Variants in PRKCB observed in about 807,000 individuals in gnomAD.
PRKCB encodes protein kinase C beta type.
PRKCB carries 13 observed loss-of-function variants against 81.5 expected under a neutral mutation model. The ratio of observed to expected loss-of-function variants is 0.16; its 90% CI spans 0.10 to 0.25. The LOEUF (loss-of-function observed/expected upper bound fraction) is 0.25. Among genes scored for constraint, PRKCB ranks in the 10% least tolerant of loss-of-function variants. PRKCB has a pLI of 1.00. For synonymous variants in PRKCB, 335 were observed against 321.4 expected (o/e 1.04, Z -0.45); for missense variants, 509 against 875.7 (o/e 0.58, Z 5.29).
At chr16:24,109,362 T>A (rs7203573) in intron 7 of PRKCB, among the ~76,000 whole-genome samples, 2 of 54,880 alleles carry the variant, frequency 3.6e-5, no homozygotes, top group African/African-American at 8.0e-5. Flanking sequence ...GGGCGGCTGC[T>A]AGGCGGAGGG....
intron 9 of PRKCB, among the ~76,000 whole-genome samples, chr16:24,151,484 G>A (rs979410018): frequency 2.0e-5 from 3 of 152,222 alleles, no homozygotes; most frequent in African/African-American, 7.2e-5. Flanking sequence ...AAACGGATAT[G>A]AATGATTGAA....
At chr16:24,012,764 G>C (rs1242504964) in intron 3 of PRKCB, among the ~76,000 whole-genome samples, 1 of 152,224 alleles carries the variant, frequency 6.6e-6, no homozygotes, top group Non-Finnish European at 1.5e-5. Context: ...CCTGTTGGAA[G>C]ATACAGGATA....
intron 5 of PRKCB, among the ~76,000 whole-genome samples, chr16:24,038,146 C>T (rs972527563): frequency 1.3e-5 from 2 of 152,070 alleles, no homozygotes; most frequent in African/African-American, 2.4e-5. Context: ...TGCACCACTG[C>T]ACTCCAGCCT....
rs79627131 is a variant in PRKCB at position 24,019,654 on chromosome 16, C to G, written c.289-12482C>G. On this transcript the variant is annotated intron_variant, in intron 3 of 16. Coordinates refer to ENST00000643927, the MANE Select transcript of PRKCB (RefSeq NM_002738.7). The stretch of plus-strand genomic sequence containing the variant: ...TAGCGTGCACCAGTAGTCCCAGACA[C>G]TTCGGGGGCTGAGGCAGGAGGATTG... 5.1e-3 allele frequency among the ~76,000 whole-genome samples: 779 copies of G among 151,924 alleles called. 10 individuals carry two copies. The highest frequency in any genetic ancestry group is 0.018 in the African/African-American group (749 of 41,390).
chr16:23,881,038 C>A (rs1353317847), intron 2 of PRKCB, among the ~76,000 whole-genome samples: 1 of 152,058 alleles, frequency 6.6e-6, no homozygotes, highest in Non-Finnish European at 1.5e-5. Context: ...TGATGAAACA[C>A]CTTTTGCTGG....
intron 8 of PRKCB, among the ~76,000 whole-genome samples, chr16:24,114,604 T>C (rs73548427): frequency 0.035 from 5,316 of 152,162 alleles, 296 homozygotes; most frequent in African/African-American, 0.12. Context: ...ATCCTTGCTT[T>C]ACAAAGAAAA....
chr16:23,969,694 A>C (rs1309914608), intron 2 of PRKCB, among the ~76,000 whole-genome samples: 2 of 152,178 alleles, frequency 1.3e-5, no homozygotes, highest in Non-Finnish European at 2.9e-5. Flanking sequence ...CATTATCATC[A>C]TCATCGTCAC....
intron 12 of PRKCB, among the ~76,000 whole-genome samples, chr16:24,175,376 A>G (rs1967512241): frequency 6.6e-6 from 1 of 151,920 alleles, no homozygotes; most frequent in Non-Finnish European, 1.5e-5. Flanking sequence ...AAATCCTACT[A>G]TATTCTAGGC....
intron 2 of PRKCB, among the ~76,000 whole-genome samples, chr16:23,978,389 A>C (rs1239770822): frequency 6.6e-6 from 1 of 152,226 alleles, no homozygotes; most frequent in Non-Finnish European, 1.5e-5. Context: ...TAAGGTAGGT[A>C]GGATGAGTGA....
At chr16:24,078,741 C>T (rs1040553010) in intron 5 of PRKCB, among the ~76,000 whole-genome samples, 2 of 152,160 alleles carry the variant, frequency 1.3e-5, no homozygotes, top group African/African-American at 4.8e-5. Context: ...CCAGATCTTC[C>T]CTGTCGAGGG....
chr16:23,982,242 TC>T, intron 2 of PRKCB, among the ~76,000 whole-genome samples: 1 of 43,310 alleles, frequency 2.3e-5, no homozygotes, highest in Non-Finnish European at 4.5e-5. Flanking sequence ...CCCCTTCCCT[TC>T]CCCTTCCCTT....
At position 24,216,689 on chromosome 16, in the gene PRKCB, TCCC is replaced by T; in HGVS notation, c.*1875_*1877del. 1.8e-5 allele frequency: 18 copies of T among 985,478 alleles called. No individual in the cohort carries two copies. The highest frequency in any genetic ancestry group is 2.2e-5 in the Non-Finnish European group (18 of 829,970). The allele number at this position is 985,478 out of a possible 1,614,324, so 61.0% of individuals were successfully genotyped here. ...TCAGGCTTGGGGACCGTCCCTGCTG[TCCC>T]CACTGTGGTGGCAATCAGGACCTAA... On this transcript the variant is annotated 3_prime_UTR_variant, in exon 17 of 17. Coordinates refer to ENST00000643927, the MANE Select transcript of PRKCB (RefSeq NM_002738.7).
At position 24,085,310 on chromosome 16, in the gene PRKCB, G is replaced by A. The variant is rs1001748723; in HGVS notation, c.530-7481G>A. On this transcript the variant is annotated intron_variant, in intron 5 of 16. Transcript: ENST00000643927. Reference sequence around the variant, plus strand: ...TGGATGATACGTTTGACTTCACGTCGTCTATTATTCTCAGACCTCCTCCAA... The same window carrying A: ...TGGATGATACGTTTGACTTCACGTCATCTATTATTCTCAGACCTCCTCCAA... Among the ~76,000 whole-genome samples the A allele has an allele frequency of 2.6e-5, 4 of 152,122 alleles. No individual in the cohort carries two copies. The East Asian group carries it at 5.8e-4, about 22-fold the overall frequency.
chr16:24,162,592 G>A (rs1292157824), intron 10 of PRKCB, among the ~76,000 whole-genome samples: 1 of 151,688 alleles, frequency 6.6e-6, no homozygotes, highest in Non-Finnish European at 1.5e-5. Context: ...GGGACCACAG[G>A]CATGCACCAC....
In PRKCB at chr16:24,215,662, A is replaced by T. The variant is rs938209453; in HGVS notation, c.*846A>T. ...TGCAAAAAAAAGAAAAAAAAAGAAA[A>T]AAAAAGGTGACTCACATTGTTACAC... On this transcript the variant is annotated 3_prime_UTR_variant, in exon 17 of 17. Transcript: ENST00000643927. 1.0e-6 allele frequency: 1 copy of T among 985,354 alleles called. No individual in the cohort carries two copies. The highest frequency in any genetic ancestry group is 1.2e-6 in the Non-Finnish European group (1 of 829,578). The allele number at this position is 985,354 out of a possible 1,614,324, so 61.0% of individuals were successfully genotyped here.
At chr16:24,154,230 C>A (rs988206134) in intron 9 of PRKCB, among the ~76,000 whole-genome samples, 3 of 152,204 alleles carry the variant, frequency 2.0e-5, no homozygotes, top group African/African-American at 7.2e-5. Context: ...CCCCTGTAAT[C>A]TTAGCACTTT....
intron 2 of PRKCB, among the ~76,000 whole-genome samples, chr16:23,861,216 T>C (rs1252897852): frequency 6.6e-6 from 1 of 152,008 alleles, no homozygotes; most frequent in Non-Finnish European, 1.5e-5. Context: ...TCACCCAGGC[T>C]GGAGTGCAGT....
chr16:24,005,497 A>C (rs181672267), intron 3 of PRKCB, among the ~76,000 whole-genome samples: 2 of 152,140 alleles, frequency 1.3e-5, no homozygotes, highest in African/African-American at 4.8e-5. Context: ...TTCAGTGAGG[A>C]CCAAACTTGA....
intron 5 of PRKCB, among the ~76,000 whole-genome samples, chr16:24,036,102 G>C (rs1965614782): frequency 6.6e-6 from 1 of 152,130 alleles, no homozygotes; most frequent in Non-Finnish European, 1.5e-5. Flanking sequence ...TGGTGGCTAT[G>C]CTGTAATTTT....
Sources: allele counts gnomAD v4.1 joint callset (sites outside exome capture counted in the v4.1 genomes callset), GRCh38; gene constraint gnomAD v4.1.1; transcripts MANE v1.5; gene names NCBI Gene and HGNC (gene_info 2026-07-23, HGNC 2026-07-21).